Variants in MSRB2 observed in about 807,000 individuals in gnomAD.
MSRB2 encodes methionine-R-sulfoxide reductase B2, mitochondrial.
MSRB2 carries 17 observed loss-of-function variants against 19.0 expected under a neutral mutation model. That is an observed-to-expected ratio of 0.89 (90% CI 0.61 to 1.34). MSRB2 has a LOEUF of 1.34. MSRB2 is among the 40% of genes most tolerant of loss of function. MSRB2 has a pLI of 0.00. For missense variants in MSRB2, 208 were observed against 237.6 expected (o/e 0.88, Z 0.82); for synonymous variants, 107 against 99.7 (o/e 1.07, Z -0.44).
At chr10:23,098,088 A>G (rs563990735) in intron 1 of MSRB2, among the ~76,000 whole-genome samples, 1 of 152,336 alleles carries the variant, frequency 6.6e-6, no homozygotes, top group East Asian at 1.9e-4. Context: ...AGAGATGACT[A>G]TGCTAGGAAA....
intron 3 of MSRB2, among the ~76,000 whole-genome samples, chr10:23,116,286 C>T (rs1430100472): frequency 6.6e-6 from 1 of 152,056 alleles, no homozygotes. Flanking sequence ...TCAAGGTGGC[C>T]ATCCTACAGG....
chr10:23,119,235 T>G (rs1266064319), intron 3 of MSRB2, 69 bp from the exon 4 acceptor site: 1 of 1,573,962 alleles, frequency 6.4e-7, no homozygotes, highest in African/African-American at 1.3e-5. Flanking sequence ...GAACAACACA[T>G]CGGGGCACCT....
chr10:23,108,475 CT>C (rs566565955), intron 2 of MSRB2, among the ~76,000 whole-genome samples: 39,028 of 128,938 alleles, frequency 0.3, 5,384 homozygotes, highest in Admixed American at 0.34. Flanking sequence ...GAAACTTCCT[CT>C]TTTTTTTTTT....
intron 3 of MSRB2, among the ~76,000 whole-genome samples, chr10:23,112,309 C>T (rs1160279292): frequency 1.3e-5 from 2 of 152,184 alleles, no homozygotes; most frequent in Admixed American, 6.5e-5. Context: ...CCAGAATATA[C>T]TATTCTTAAA....
At chr10:23,105,525 G>A (rs1478663847) in intron 2 of MSRB2, among the ~76,000 whole-genome samples, 1 of 152,018 alleles carries the variant, frequency 6.6e-6, no homozygotes, top group Non-Finnish European at 1.5e-5. Flanking sequence ...ACCTCCATGT[G>A]TTCAAATTCT....
At chr10:23,100,959 A>G (rs1165313891) in intron 1 of MSRB2, among the ~76,000 whole-genome samples, 1 of 152,160 alleles carries the variant, frequency 6.6e-6, no homozygotes, top group Admixed American at 6.5e-5. Context: ...GTAGATAGAT[A>G]CCATGGTTTG....
intron 2 of MSRB2, among the ~76,000 whole-genome samples, chr10:23,107,235 C>A (rs1839995049): frequency 6.6e-6 from 1 of 152,202 alleles, no homozygotes; most frequent in South Asian, 2.1e-4. Context: ...AGGCGTACAC[C>A]CAGTTCACAA....
rs143600184 is a variant in MSRB2 at position 23,096,573 on chromosome 10, A to T, written c.118+847A>T. Among the ~76,000 whole-genome samples the T allele has an allele frequency of 1.4e-3, 211 of 152,306 alleles. 1 individual carries two copies. The highest frequency in any genetic ancestry group is 4.9e-3 in the African/African-American group (205 of 41,548). ...TCTGAATCCAATTTTATATGTGTTC[A>T]TTGAAGACATTCAGAGATACCCAAC... On this transcript the variant is annotated intron_variant, in intron 1 of 4. Transcript: ENST00000376510.
rs1840036768 is a variant in MSRB2, at chr10:23,110,319, G to T, written c.296+1G>T. 6.2e-7 allele frequency: 1 copy of T among 1,612,946 alleles called. No individual in the cohort carries two copies. Among genetic ancestry groups the T allele is most frequent in the Admixed American group, 1.7e-5 (1 of 59,980 alleles). The stretch of plus-strand genomic sequence containing the variant: ...TGTGCTGCGACAGTCCACTCTTCAG[G>T]TAAGATAAAGAATTGAGAGCCACGG... On this transcript the variant is annotated splice_donor_variant, in intron 3 of 4. Transcript: ENST00000376510. LOFTEE classifies it high-confidence loss of function.
chr10:23,107,220 C>A (rs1839994874), intron 2 of MSRB2, among the ~76,000 whole-genome samples: 1 of 152,232 alleles, frequency 6.6e-6, no homozygotes, highest in Admixed American at 6.5e-5. Context: ...AAACCAACTC[C>A]AATCAGGCGT....
chr10:23,107,991 G>A (rs1169707110), intron 2 of MSRB2, among the ~76,000 whole-genome samples: 2 of 146,858 alleles, frequency 1.4e-5, no homozygotes, highest in African/African-American at 2.5e-5. Flanking sequence ...ATGGGGTTTT[G>A]CTCTTGTTGC....
intron 3 of MSRB2, chr10:23,119,072 T>C (rs1840150008): frequency 1.6e-6 from 1 of 645,044 alleles, no homozygotes; most frequent in African/African-American, 1.8e-5. Flanking sequence ...CAGAAAGAAG[T>C]CTTTAGCATC....
intron 2 of MSRB2, 100 bp from the exon 3 acceptor site, chr10:23,110,142 A>C (rs1840033535): frequency 2.3e-6 from 2 of 867,354 alleles, no homozygotes; most frequent in Non-Finnish European, 3.7e-6. Flanking sequence ...TAGTACAGAA[A>C]TTCCTTGATT....
chr10:23,114,469 C>T (rs1840089055), intron 3 of MSRB2, among the ~76,000 whole-genome samples: 1 of 152,130 alleles, frequency 6.6e-6, no homozygotes, highest in Admixed American at 6.5e-5. Flanking sequence ...GCAAACAATC[C>T]TCACCCTCCA....
At chr10:23,114,997 C>G (rs747343795) in intron 3 of MSRB2, among the ~76,000 whole-genome samples, 6 of 152,172 alleles carry the variant, frequency 3.9e-5, no homozygotes, top group Admixed American at 1.3e-4. Flanking sequence ...GCCAGTGTAA[C>G]TCATGAGTTC....
chr10:23,114,487 G>A lies in MSRB2; in HGVS notation c.296+4169G>A, dbSNP rs1840089448. Among the ~76,000 whole-genome samples, 4 of 152,288 alleles carry A rather than the reference G, an allele frequency of 2.6e-5. No homozygotes were observed. In the South Asian group the frequency reaches 8.3e-4, roughly 32 times the overall value. On this transcript the variant is annotated intron_variant, in intron 3 of 4. Transcript: ENST00000376510. The stretch of plus-strand genomic sequence containing the variant: ...AACAATCCTCACCCTCCAATAAGGA[G>A]CTATTAAGACCCTCACTTAACAGAT...
rs2131634775 is a variant in MSRB2, at chr10:23,119,064, G to A, written c.297-240G>A. ...TTTTTAGATCCTTGTTGGATATCCAGAAAGAAGTCTTTAGCATCAAAGGAT... is the reference window on the plus strand; with the variant it reads ...TTTTTAGATCCTTGTTGGATATCCAAAAAGAAGTCTTTAGCATCAAAGGAT... On this transcript the variant is annotated intron_variant, in intron 3 of 4. Coordinates refer to ENST00000376510, the MANE Select transcript of MSRB2 (RefSeq NM_012228.4). 3 of 631,960 alleles carry A rather than the reference G, an allele frequency of 4.7e-6. No homozygotes were observed. The African/African-American group carries it at 5.4e-5, about 11-fold the overall frequency. The allele number at this position is 631,960 out of a possible 1,614,324, so 39.1% of individuals were successfully genotyped here.
At chr10:23,108,980 G>A (rs1588969527) in intron 2 of MSRB2, among the ~76,000 whole-genome samples, 1 of 152,250 alleles carries the variant, frequency 6.6e-6, no homozygotes, top group Non-Finnish European at 1.5e-5. Context: ...CACTGCAAAT[G>A]TGCTGTTAAT....
intron 1 of MSRB2, among the ~76,000 whole-genome samples, chr10:23,097,055 G>A (rs1218128526): frequency 6.6e-6 from 1 of 152,184 alleles, no homozygotes. Flanking sequence ...CTATTCGAAG[G>A]AAATAGTTCA....
Sources: gnomAD v4.1 joint callset for allele counts (sites outside exome capture counted in the v4.1 genomes callset) on GRCh38, gnomAD v4.1.1 for gene constraint, MANE v1.5 for transcripts, NCBI Gene and HGNC (gene_info 2026-07-23, HGNC 2026-07-21) for gene names.